Variants in DCT observed in about 807,000 individuals in gnomAD.
DCT encodes the protein L-dopachrome tautomerase.
A neutral mutation model predicts 53.0 loss-of-function variants in DCT; 47 were observed. The ratio of observed to expected loss-of-function variants is 0.89; its 90% confidence interval spans 0.70 to 1.13. The LOEUF is 1.13. Ranked by LOEUF, DCT falls within the 50% of genes most tolerant of loss-of-function variation. The pLI is 0.00. For synonymous variants in DCT, 244 were observed against 237.0 expected (o/e 1.03, Z -0.27); for missense variants, 669 against 637.4 (o/e 1.05, Z -0.53).
intron 4 of DCT, among the ~76,000 whole-genome samples, chr13:94,464,391 G>A (rs1388588384): frequency 6.6e-6 from 1 of 152,224 alleles, no homozygotes; most frequent in Non-Finnish European, 1.5e-5. Context: ...TGTAATCTCA[G>A]CACTTTGGGA....
the DCT span, among the ~76,000 whole-genome samples, chr13:94,535,560 C>A: frequency 1.3e-5 from 2 of 152,184 alleles, no homozygotes; most frequent in Non-Finnish European, 2.9e-5. Flanking sequence ...ATACTCAGCA[C>A]CCCTGTAAGC....
intron 4 of DCT, chr13:94,465,352 CA>C: frequency 4.6e-6 from 1 of 219,096 alleles, no homozygotes; most frequent in Non-Finnish European, 9.0e-6. Flanking sequence ...CTTTTAAAGG[CA>C]AAAACCGCAA....
rs976148076 is a variant in DCT, at chr13:94,472,871, C to T, written c.296-3826G>A. 1.3e-4 allele frequency among the ~76,000 whole-genome samples: 19 copies of T among 151,824 alleles called. No individual in the cohort carries two copies. The East Asian group carries it at 2.1e-3, about 17-fold the overall frequency. On this transcript the variant is annotated intron_variant, in intron 1 of 7. Transcript: ENST00000377028. ...TGTTGGGATTACAGGCATGAGCCAC[C>T]GCACCCTGCCGTGAGTTCTATATTG... is the stretch of plus-strand genomic sequence containing the variant.
chr13:94,494,319 C>T, the DCT span, among the ~76,000 whole-genome samples: 1 of 152,164 alleles, frequency 6.6e-6, no homozygotes, highest in African/African-American at 2.4e-5. Context: ...TCACTATTCC[C>T]CAATCTGCAT....
the DCT span, among the ~76,000 whole-genome samples, chr13:94,534,021 G>A: frequency 6.6e-6 from 1 of 152,050 alleles, no homozygotes; most frequent in South Asian, 2.1e-4. Context: ...TACTACACCT[G>A]TGATGCATCC....
the DCT span, among the ~76,000 whole-genome samples, chr13:94,504,293 T>C: frequency 6.6e-6 from 1 of 152,356 alleles, no homozygotes; most frequent in Non-Finnish European, 1.5e-5. Context: ...CTGTTAGCCT[T>C]GGTAGAGCTT....
rs955252082 is a variant in DCT, at chr13:94,437,172, G to C, written c.*2726C>G. ...CAGAAAATAGCATATCAGTTTAAGA[G>C]ATTATTTTTCAGACTGAGGTTGTTA... On this transcript the variant is annotated 3_prime_UTR_variant, in exon 8 of 8. Transcript: ENST00000377028. The C allele has an allele frequency of 6.6e-6, 1 of 152,108 alleles. No individual in the cohort carries two copies. Among genetic ancestry groups the C allele is most frequent in the Non-Finnish European group, 1.5e-5 (1 of 68,010 alleles). The allele number at this position is 152,108 out of a possible 1,614,324, so 9.4% of individuals were successfully genotyped here. A position where few individuals can be genotyped will look rare whatever the true frequency, so the allele number is the denominator to read the frequency against.
chr13:94,529,104 T>C, the DCT span, among the ~76,000 whole-genome samples: 2 of 152,252 alleles, frequency 1.3e-5, no homozygotes, highest in East Asian at 1.9e-4. Context: ...CCTAAACATA[T>C]ATGCACCCAA....
intron 6 of DCT, chr13:94,445,882 T>G: frequency 4.5e-5 from 29 of 640,782 alleles, no homozygotes; most frequent in Non-Finnish European, 5.7e-5. Context: ...GGGGAGAAAC[T>G]GTGGGGGGGC....
intron 6 of DCT, among the ~76,000 whole-genome samples, chr13:94,455,053 C>T (rs1430911372): frequency 6.6e-6 from 1 of 152,130 alleles, no homozygotes; most frequent in East Asian, 1.9e-4. Flanking sequence ...ACAATGTGAG[C>T]TTCCACCCTA....
the DCT span, among the ~76,000 whole-genome samples, chr13:94,548,696 C>T: frequency 1.3e-5 from 2 of 151,732 alleles, no homozygotes; most frequent in Non-Finnish European, 2.9e-5. Flanking sequence ...CCCTGAGTAC[C>T]CACGTCCACC....
the DCT span, among the ~76,000 whole-genome samples, chr13:94,523,752 G>T: frequency 3.1e-3 from 472 of 152,232 alleles, 2 homozygotes; most frequent in African/African-American, 0.011. Context: ...TGAGATTCTT[G>T]TCCTGTATTT....
At chr13:94,547,984 A>AATATATAT in the DCT span, among the ~76,000 whole-genome samples, 57 of 65,816 alleles carry the variant, frequency 8.7e-4, 4 homozygotes, top group African/African-American at 5.9e-3. Context: ...AAAAAAAAAA[A>AATATATAT]ATATATATAT....
the DCT span, among the ~76,000 whole-genome samples, chr13:94,540,264 T>C: frequency 6.6e-6 from 1 of 152,226 alleles, no homozygotes; most frequent in African/African-American, 2.4e-5. Flanking sequence ...GATGCTCTGC[T>C]CTGGGCACTA....
At chr13:94,459,260 G>A (rs1188630981) in intron 6 of DCT, among the ~76,000 whole-genome samples, 2 of 152,162 alleles carry the variant, frequency 1.3e-5, no homozygotes, top group East Asian at 3.9e-4. Context: ...TTAAATAACT[G>A]TGAGGCTCCT....
At chr13:94,511,480 C>T in the DCT span, among the ~76,000 whole-genome samples, 35 of 152,030 alleles carry the variant, frequency 2.3e-4, no homozygotes, top group Admixed American at 1.9e-3. Flanking sequence ...GTGCCTCAGC[C>T]TCCCAAGTAG....
intron 6 of DCT, among the ~76,000 whole-genome samples, chr13:94,456,965 A>G (rs1883450174): frequency 6.6e-6 from 1 of 152,160 alleles, no homozygotes; most frequent in Admixed American, 6.5e-5. Context: ...CCTTGTCTCT[A>G]CTCAAAATAC....
At chr13:94,477,513 A>G (rs1462095701) in intron 1 of DCT, among the ~76,000 whole-genome samples, 2 of 152,224 alleles carry the variant, frequency 1.3e-5, no homozygotes, top group Admixed American at 1.3e-4. Context: ...GAGGGGTCAA[A>G]GGTTGAAAAA....
chr13:94,453,070 A>C (rs1015380607), intron 6 of DCT, among the ~76,000 whole-genome samples: 11 of 152,170 alleles, frequency 7.2e-5, no homozygotes, highest in African/African-American at 2.7e-4. Flanking sequence ...AATTAAATAA[A>C]TTAAGTGATA....
Sources: gnomAD v4.1 joint callset for allele counts (sites outside exome capture counted in the v4.1 genomes callset) on GRCh38, gnomAD v4.1.1 for gene constraint, MANE v1.5 for transcripts, NCBI Gene and HGNC (gene_info 2026-07-23, HGNC 2026-07-21) for gene names.